Variants in MGAT4C observed in about 807,000 individuals in gnomAD.
MGAT4C encodes the protein alpha-1,3-mannosyl-glycoprotein 4-beta-N-acetylglucosaminyltransferase C.
Under a neutral mutation model 40.1 loss-of-function variants are expected in MGAT4C, and 19 were observed. That is an observed-to-expected ratio of 0.47 (90% CI 0.33 to 0.70). MGAT4C has a LOEUF of 0.70. Among genes scored for constraint, MGAT4C ranks in the 30% least tolerant of loss-of-function variants. The probability of loss-of-function intolerance (pLI) is 0.02; values close to 1 mark genes in which losing one functional copy is unlikely to be tolerated. For synonymous variants in MGAT4C, 181 were observed against 187.1 expected (o/e 0.97, Z 0.27); for missense variants, 491 against 563.2 (o/e 0.87, Z 1.30).
intron 2 of MGAT4C, among the ~76,000 whole-genome samples, chr12:86,532,295 G>C (rs1406739818): frequency 6.6e-6 from 1 of 151,838 alleles, no homozygotes; most frequent in Non-Finnish European, 1.5e-5. Context: ...TTTATCTTTT[G>C]ATAGGTAACT....
At chr12:86,553,232 CT>C (rs1959450844) in intron 2 of MGAT4C, among the ~76,000 whole-genome samples, 2 of 152,174 alleles carry the variant, frequency 1.3e-5, no homozygotes, top group South Asian at 4.1e-4. Flanking sequence ...TCTATTAATT[CT>C]AATTGTTGCT....
chr12:86,413,379 G>T (rs921087112), intron 3 of MGAT4C, among the ~76,000 whole-genome samples: 1 of 152,154 alleles, frequency 6.6e-6, no homozygotes, highest in Non-Finnish European at 1.5e-5. Context: ...GAGCCTTAAG[G>T]TAAGATGCCT....
intron 1 of MGAT4C, among the ~76,000 whole-genome samples, chr12:86,116,165 C>T (rs73385593): frequency 0.03 from 4,572 of 151,660 alleles, 285 homozygotes; most frequent in East Asian, 0.28. Flanking sequence ...ATGGTCAGGG[C>T]CCAGATCACA....
rs996452852 is a variant in MGAT4C at position 86,834,222 on chromosome 12, A to T, written c.-262+4444T>A. Among the ~76,000 whole-genome samples the T allele has an allele frequency of 2.0e-5, 3 of 151,690 alleles. No homozygotes were observed. The East Asian group carries it at 5.8e-4, about 29-fold the overall frequency. On this transcript the variant is annotated intron_variant, in intron 1 of 7. Coordinates refer to the MGAT4C transcript ENST00000548651. ...TAGATATAGATATAGATATAGGTCC[A>T]TCTATAGATAGGTAGATAGATAATT...
rs796357710 is a variant in MGAT4C, at chr12:86,551,652, C to T, written c.-228-116387G>A. Among the ~76,000 whole-genome samples, 12 of 152,322 alleles carry T rather than the reference C, an allele frequency of 7.9e-5. 1 individual carries two copies. The highest frequency in any genetic ancestry group is 2.6e-4 in the African/African-American group (11 of 41,574). ...GTGGCTGTGCCCCCACCCAGAGTAACAGCCTTATGGCTCTAACCCCAGTGA... is the reference window on the plus strand; with the variant it reads ...GTGGCTGTGCCCCCACCCAGAGTAATAGCCTTATGGCTCTAACCCCAGTGA... On this transcript the variant is annotated intron_variant, in intron 2 of 7. Coordinates refer to the MGAT4C transcript ENST00000548651.
intron 1 of MGAT4C, among the ~76,000 whole-genome samples, chr12:86,199,486 C>G (rs60985774): frequency 4.0e-5 from 6 of 151,830 alleles, no homozygotes; most frequent in Middle Eastern, 6.8e-3. Flanking sequence ...ATTTTATTTC[C>G]TCATTCATAA....
At chr12:86,308,890 A>G (rs749046960) in intron 4 of MGAT4C, among the ~76,000 whole-genome samples, 3 of 150,624 alleles carry the variant, frequency 2.0e-5, no homozygotes, top group Non-Finnish European at 2.9e-5. Flanking sequence ...AGATTTTGGG[A>G]GAAGGGACTT....
At chr12:86,125,787 G>A (rs867592730) in intron 1 of MGAT4C, among the ~76,000 whole-genome samples, 12 of 151,974 alleles carry the variant, frequency 7.9e-5, no homozygotes, top group African/African-American at 2.7e-4. Flanking sequence ...AATGGAGACA[G>A]AAAAAGTAAT....
At chr12:86,352,482 G>A (rs1481475172) in intron 3 of MGAT4C, among the ~76,000 whole-genome samples, 1 of 151,936 alleles carries the variant, frequency 6.6e-6, no homozygotes, top group African/African-American at 2.4e-5. Flanking sequence ...CACAATGATA[G>A]CATACTATAT....
At position 85,968,111 on chromosome 12, in the gene MGAT4C, T is replaced by G. The variant is rs1883448340; in HGVS notation, c.*11178A>C. The G allele has an allele frequency of 6.6e-6, 1 of 152,020 alleles. No individual in the cohort carries two copies. The highest frequency in any genetic ancestry group is 1.5e-5 in the Non-Finnish European group (1 of 67,928). 9.4% of individuals were successfully genotyped at this position (152,020 alleles called of 1,614,324 possible). On this transcript the variant is annotated 3_prime_UTR_variant, in exon 5 of 5. Coordinates refer to ENST00000611864, the MANE Select transcript of MGAT4C (RefSeq NM_001351288.2). ...AAATAAATTGGAGATTTGGATCATATGGGCTATGACTAAATGAGACAAGGC... is the reference window on the plus strand; with the variant it reads ...AAATAAATTGGAGATTTGGATCATAGGGGCTATGACTAAATGAGACAAGGC...
At chr12:86,674,378 C>T (rs1593102220) in intron 2 of MGAT4C, among the ~76,000 whole-genome samples, 1 of 152,162 alleles carries the variant, frequency 6.6e-6, no homozygotes, top group East Asian at 1.9e-4. Context: ...TTTACATGTG[C>T]ACCATAAGAT....
chr12:86,534,192 C>T (rs1162712036), intron 2 of MGAT4C, among the ~76,000 whole-genome samples: 1 of 152,040 alleles, frequency 6.6e-6, no homozygotes, highest in Non-Finnish European at 1.5e-5. Context: ...CTGAAGCTTG[C>T]TACCTGGAAG....
At chr12:86,260,805 T>C (rs1260139493), upstream of MGAT4C, among the ~76,000 whole-genome samples, 1 of 151,948 alleles carries the variant, frequency 6.6e-6, no homozygotes, top group African/African-American at 2.4e-5. Context: ...AAATATATTA[T>C]ATAAATTATT....
At chr12:86,438,912 T>C (rs1957182025) in intron 2 of MGAT4C, among the ~76,000 whole-genome samples, 1 of 151,822 alleles carries the variant, frequency 6.6e-6, no homozygotes, top group Non-Finnish European at 1.5e-5. Context: ...GATAAAAGGA[T>C]AATCCAACAA....
chr12:86,264,330 T>C (rs573815050), intron 4 of MGAT4C, among the ~76,000 whole-genome samples: 1 of 152,234 alleles, frequency 6.6e-6, no homozygotes, highest in Non-Finnish European at 1.5e-5. Context: ...GTCTTTGATA[T>C]ATTTTTAATT....
intron 2 of MGAT4C, among the ~76,000 whole-genome samples, chr12:86,665,781 T>C (rs1040489955): frequency 1.3e-5 from 2 of 152,080 alleles, no homozygotes; most frequent in African/African-American, 4.8e-5. Flanking sequence ...GATTTAAGAG[T>C]GTCAAAAAGA....
At chr12:86,762,515 C>G (rs1951425528) in intron 1 of MGAT4C, among the ~76,000 whole-genome samples, 2 of 152,164 alleles carry the variant, frequency 1.3e-5, no homozygotes, top group African/African-American at 4.8e-5. Flanking sequence ...TAATATGGCT[C>G]TCTCACATAG....
intron 2 of MGAT4C, among the ~76,000 whole-genome samples, chr12:86,699,254 T>A (rs2136611025): frequency 6.6e-6 from 1 of 152,278 alleles, no homozygotes; most frequent in South Asian, 2.1e-4. Context: ...TATTTTACTA[T>A]CCAATTATGA....
At chr12:86,728,009 G>A (rs1046948040) in intron 1 of MGAT4C, among the ~76,000 whole-genome samples, 11 of 152,094 alleles carry the variant, frequency 7.2e-5, no homozygotes, top group African/African-American at 2.7e-4. Context: ...TTACTTTGGT[G>A]ATTTAACAAT....
Sources: gnomAD v4.1 joint callset for allele counts (sites outside exome capture counted in the v4.1 genomes callset) on GRCh38, gnomAD v4.1.1 for gene constraint, MANE v1.5 for transcripts, NCBI Gene and HGNC (gene_info 2026-07-23, HGNC 2026-07-21) for gene names.